SPINK5: variants seen among roughly 807,000 people sequenced by gnomAD.
The protein encoded by SPINK5 is serine peptidase inhibitor Kazal type 5, also known as serine protease inhibitor Kazal-type 5.
Under a neutral mutation model 151.8 loss-of-function variants are expected in SPINK5, and 125 were observed. The ratio of observed to expected loss-of-function variants is 0.82; its 90% CI spans 0.71 to 0.96. The LOEUF (loss-of-function observed/expected upper bound fraction) is 0.96, where lower values mean the gene tolerates loss of function less well. SPINK5 is among the 40% of genes least tolerant of loss of function. The pLI, the probability that SPINK5 is intolerant of heterozygous loss-of-function variation, is 0.00. For synonymous variants in SPINK5, 374 were observed against 395.3 expected (o/e 0.95, Z 0.64); for missense variants, 1,194 against 1,291.9 (o/e 0.92, Z 1.16).
chr5:148,096,347 C>G (rs1302909670), intron 10 of SPINK5, among the ~76,000 whole-genome samples: 1 of 151,918 alleles, frequency 6.6e-6, no homozygotes, highest in African/African-American at 2.4e-5. Flanking sequence ...GTCTGTTTTT[C>G]TACTGCTACC....
chr5:148,091,314 G>A lies in SPINK5; in HGVS notation c.666+86G>A, dbSNP rs1184846190. The A allele has an allele frequency of 2.7e-6, 3 of 1,101,828 alleles. No homozygotes were observed. The African/African-American group carries it at 4.7e-5, about 17-fold the overall frequency. 68.3% of individuals were successfully genotyped at this position (1,101,828 alleles called of 1,614,324 possible). ...CTAAACCTTTGAGTAATGAAATAAAGTCATTGTCTTTTATTATTATATAGA... is the reference window on the plus strand; with the variant it reads ...CTAAACCTTTGAGTAATGAAATAAAATCATTGTCTTTTATTATTATATAGA... On this transcript the variant is annotated intron_variant, in intron 8 of 32. Transcript: ENST00000256084.
rs368156277 is a variant in SPINK5 at position 148,133,833 on chromosome 5, G to A, written c.3132G>A (p.Gly1044=). ...CAAATACACACATCCGCAGTACAGG[G>A]AAGTGTGAGGAGAGCAGCACCCCAG... ...RQTNTHIRST[G]KCEESSTPGT... is the part of the protein sequence containing the mutation. The change falls in exon 32 of 33, where the codon GGG becomes GGA. Residue 1044 remains glycine, a synonymous_variant. Transcript: ENST00000256084. 5 of 1,614,022 alleles carry A rather than the reference G, an allele frequency of 3.1e-6. No homozygotes were observed. The highest frequency in any genetic ancestry group is 1.3e-5 in the African/African-American group (1 of 75,010).
intron 9 of SPINK5, among the ~76,000 whole-genome samples, chr5:148,094,930 T>C (rs780257395): frequency 6.6e-6 from 1 of 151,928 alleles, no homozygotes. Flanking sequence ...CATATGACCT[T>C]GGGAGAAGGG....
At chr5:148,094,780 T>C (rs922539811) in intron 9 of SPINK5, among the ~76,000 whole-genome samples, 4 of 151,970 alleles carry the variant, frequency 2.6e-5, no homozygotes, top group African/African-American at 9.7e-5. Flanking sequence ...AATTCTAGTA[T>C]AGAATGGGGG....
chr5:148,123,030 C>T (rs1054655397), intron 26 of SPINK5, among the ~76,000 whole-genome samples: 1 of 151,764 alleles, frequency 6.6e-6, no homozygotes, highest in African/African-American at 2.4e-5. Context: ...AGGTTTGGGG[C>T]TCTGCCTCAT....
intron 28 of SPINK5, chr5:148,125,429 T>G: frequency 3.5e-6 from 4 of 1,150,896 alleles, no homozygotes; most frequent in Non-Finnish European, 5.1e-6. Flanking sequence ...AAAGCATGCT[T>G]CATGGGGAAA....
Position 148,120,085 on chromosome 5 carries a change from G to A in SPINK5, c.2390G>A (p.Gly797Asp), listed in dbSNP as rs1170375768. The change falls in exon 25 of 33, where the codon GGT becomes GAT. Residue 797 changes from glycine (G) to aspartate (D), a missense_variant. By Grantham distance (94) the Gly-to-Asp change is moderately conservative (BLOSUM62 -1). Transcript: ENST00000256084. ...ACTCGAGAAAGTGACCCTGTCCGGG[G>A]TCCAGATGGCAAGACACATGGCAAT... ...ICTRESDPVR[G>D]PDGKTHGNKC... is the part of the protein sequence containing the mutation. The A allele has an allele frequency of 2.5e-6, 4 of 1,613,954 alleles. No individual in the cohort carries two copies. The highest frequency in any genetic ancestry group is 1.1e-5 in the South Asian group (1 of 91,080).
intron 22 of SPINK5, among the ~76,000 whole-genome samples, chr5:148,117,795 A>G (rs1754135209): frequency 6.6e-6 from 1 of 152,214 alleles, no homozygotes; most frequent in East Asian, 1.9e-4. Flanking sequence ...TTCAGTATAC[A>G]TGGATTTTGA....
At chr5:148,112,815 G>T (rs1753976878) in intron 19 of SPINK5, 53 bp from the exon 20 acceptor site, 1 of 1,610,740 alleles carries the variant, frequency 6.2e-7, no homozygotes, top group Non-Finnish European at 8.5e-7. Context: ...CTCCTTTAGG[G>T]TAGTATGTAT....
rs74716044 is a variant in SPINK5 at position 148,133,861 on chromosome 5, A to G, written c.3160A>G (p.Thr1054Ala). 1 of 1,613,956 alleles carries G rather than the reference A, an allele frequency of 6.2e-7. No individual in the cohort carries two copies. Among genetic ancestry groups the G allele is most frequent in the Non-Finnish European group, 8.5e-7 (1 of 1,179,930 alleles). The stretch of plus-strand genomic sequence containing the variant: ...GTGTGAGGAGAGCAGCACCCCAGGA[A>G]CCACCGCAGCCAGCATGCCCCCGTC... ...GKCEESSTPG[T>A]TAASMPPSDE The change falls in exon 32 of 33, where the codon ACC becomes GCC. Residue 1054 changes from threonine (T) to alanine (A), a missense_variant. Physicochemically the swap from Thr to Ala is moderately conservative, Grantham distance 58. Transcript: ENST00000256084.
At chr5:148,096,749 T>TTC (rs1753476478) in intron 10 of SPINK5, among the ~76,000 whole-genome samples, 1 of 146,162 alleles carries the variant, frequency 6.8e-6, no homozygotes, top group South Asian at 2.1e-4. Flanking sequence ...TTTCTTTTCT[T>TTC]TTCTTTTTTT....
At chr5:148,108,642 T>C (rs970598854) in intron 17 of SPINK5, 111 bp from the exon 18 acceptor site, 5 of 1,477,778 alleles carry the variant, frequency 3.4e-6, no homozygotes, top group African/African-American at 2.8e-5. Flanking sequence ...TAAATTTGTA[T>C]TGAAGACTGA....
At position 148,088,523 on chromosome 5, in the gene SPINK5, T is replaced by C. The variant is rs745625344; in HGVS notation, c.411-19T>C. ...TTCTGTGATATTAAACTGCTGTGTC[T>C]ACTAACTTTTGATTCTAGGAAAACC... On this transcript the variant is annotated intron_variant, in intron 5 of 32. Transcript: ENST00000256084. 6.2e-7 allele frequency: 1 copy of C among 1,609,938 alleles called. No individual in the cohort carries two copies. Among genetic ancestry groups the C allele is most frequent in the Non-Finnish European group, 8.5e-7 (1 of 1,177,036 alleles).
chr5:148,134,662 A>C (rs1161666182), intron 32 of SPINK5, among the ~76,000 whole-genome samples: 1 of 152,104 alleles, frequency 6.6e-6, no homozygotes, highest in African/African-American at 2.4e-5. Context: ...CAAAGTATGA[A>C]TTTAGAAAAA....
intron 5 of SPINK5, among the ~76,000 whole-genome samples, chr5:148,087,204 A>G (rs978825357): frequency 6.6e-6 from 1 of 151,860 alleles, no homozygotes; most frequent in African/African-American, 2.4e-5. Context: ...TAGCTAAGGC[A>G]TCTTACTGTC....
intron 21 of SPINK5, among the ~76,000 whole-genome samples, chr5:148,115,222 G>C (rs926021040): frequency 2.0e-5 from 3 of 152,138 alleles, no homozygotes; most frequent in Non-Finnish European, 4.4e-5. Context: ...GTAATGAGAG[G>C]AGAAGAAGGG....
Position 148,131,279 on chromosome 5 carries a change from C to A in SPINK5, c.2985C>A (p.Asp995Glu). ...TTCAGGATTCTGAGATGTGCAAAGA[C>A]TACCGAGTATTGCCCAGGATAGGTT... is the stretch of plus-strand genomic sequence containing the variant. ...FSSLDSEMCK[D>E]YRVLPRIGYL... Residue 995 changes from aspartate to glutamate, a missense_variant, in exon 31 of 33, where the codon GAC (aspartate) becomes GAA (glutamate). Physicochemically the swap from Asp to Glu is conservative, Grantham distance 45. Transcript: ENST00000256084. 6.2e-7 allele frequency: 1 copy of A among 1,613,848 alleles called. No homozygotes were observed. Among genetic ancestry groups the A allele is most frequent in the Non-Finnish European group, 8.5e-7 (1 of 1,179,764 alleles).
intron 19 of SPINK5, among the ~76,000 whole-genome samples, chr5:148,112,351 G>T (rs1445993165): frequency 6.6e-6 from 1 of 152,088 alleles, no homozygotes; most frequent in Admixed American, 6.5e-5. Flanking sequence ...GTTTGCTATG[G>T]CATGTGCGTC....
intron 16 of SPINK5, among the ~76,000 whole-genome samples, chr5:148,105,317 T>A (rs963230456): frequency 6.6e-6 from 1 of 152,106 alleles, no homozygotes; most frequent in Non-Finnish European, 1.5e-5. Flanking sequence ...TAATTTCAAT[T>A]TACATTATTC....
Sources: allele counts gnomAD v4.1 joint callset (sites outside exome capture counted in the v4.1 genomes callset), GRCh38; gene constraint gnomAD v4.1.1; transcripts MANE v1.5; gene names NCBI Gene and HGNC (gene_info 2026-07-23, HGNC 2026-07-21).